The following ZNF521 variants were observed in gnomAD, a reference collection of about 807,000 sequenced individuals.
The protein encoded by ZNF521 is LYST-interacting protein 3.
Under a neutral mutation model 105.5 loss-of-function variants are expected in ZNF521, and 14 were observed. The observed-to-expected ratio is 0.13, with a 90% CI of 0.09 to 0.21. The LOEUF (loss-of-function observed/expected upper bound fraction) is 0.21. Ranked by LOEUF, ZNF521 falls within the 10% of genes least tolerant of loss-of-function variation. The pLI, the probability that ZNF521 is intolerant of heterozygous loss-of-function variation, is 1.00. For missense variants in ZNF521, 1,233 were observed against 1,629.7 expected (o/e 0.76, Z 4.19); for synonymous variants, 635 against 606.0 (o/e 1.05, Z -0.70).
chr18:25,257,564 A>G (rs1023074575), intron 3 of ZNF521, among the ~76,000 whole-genome samples: 9 of 152,174 alleles, frequency 5.9e-5, no homozygotes, highest in Admixed American at 5.9e-4. Flanking sequence ...ACTGCCTGAG[A>G]GTCAGAAATC....
chr18:25,254,462 C>G (rs1908335100), intron 3 of ZNF521, among the ~76,000 whole-genome samples: 1 of 152,120 alleles, frequency 6.6e-6, no homozygotes. Context: ...CAAATTCTCA[C>G]CTATCTGTAG....
At chr18:25,245,519 T>C (rs1240534689) in intron 3 of ZNF521, among the ~76,000 whole-genome samples, 2 of 152,224 alleles carry the variant, frequency 1.3e-5, no homozygotes, top group East Asian at 1.9e-4. Flanking sequence ...GAAGGTGGCT[T>C]ACTTGAGACA....
chr18:25,346,406 C>T (rs998392959), intron 2 of ZNF521, among the ~76,000 whole-genome samples: 1 of 152,008 alleles, frequency 6.6e-6, no homozygotes, highest in Non-Finnish European at 1.5e-5. Context: ...AATTTCAGGG[C>T]CAGTACAAGC....
chr18:25,167,102 G>A (rs190276906), intron 5 of ZNF521, among the ~76,000 whole-genome samples: 14 of 152,276 alleles, frequency 9.2e-5, no homozygotes, highest in African/African-American at 3.4e-4. Flanking sequence ...TAGCACAGGT[G>A]AACCTAGTTC....
At chr18:25,148,136 C>T (rs1419297430) in intron 5 of ZNF521, among the ~76,000 whole-genome samples, 1 of 152,106 alleles carries the variant, frequency 6.6e-6, no homozygotes, top group African/African-American at 2.4e-5. Flanking sequence ...AAGGGGACAG[C>T]TGGGTGCTAA....
chr18:25,106,335 C>G (rs2034072801), intron 5 of ZNF521, among the ~76,000 whole-genome samples: 1 of 151,948 alleles, frequency 6.6e-6, no homozygotes, highest in Non-Finnish European at 1.5e-5. Flanking sequence ...CCAGGAAAAC[C>G]ATATACTGTA....
intron 3 of ZNF521, among the ~76,000 whole-genome samples, chr18:25,308,655 C>G (rs867931829): frequency 2.8e-5 from 4 of 144,672 alleles, no homozygotes; most frequent in South Asian, 2.4e-4. Flanking sequence ...GACATCCCCC[C>G]CCCCCCACCC....
At chr18:25,259,484 G>C (rs532838522) in intron 3 of ZNF521, among the ~76,000 whole-genome samples, 1 of 152,268 alleles carries the variant, frequency 6.6e-6, no homozygotes, top group South Asian at 2.1e-4. Context: ...GATCAGATTA[G>C]TTCATCTCCA....
At chr18:25,302,567 T>C (rs1206321709) in intron 3 of ZNF521, 2 of 152,224 alleles carry the variant, frequency 1.3e-5, no homozygotes, top group Non-Finnish European at 2.9e-5. Context: ...TATGTCATGG[T>C]TGGGCAAACA....
At chr18:25,157,629 T>C (rs1202370980) in intron 5 of ZNF521, among the ~76,000 whole-genome samples, 1 of 152,228 alleles carries the variant, frequency 6.6e-6, no homozygotes, top group African/African-American at 2.4e-5. Flanking sequence ...CATTAAGGCA[T>C]ATAAAGAATA....
chr18:25,220,677 T>C (rs546048222), intron 4 of ZNF521, among the ~76,000 whole-genome samples: 1 of 152,194 alleles, frequency 6.6e-6, no homozygotes, highest in Non-Finnish European at 1.5e-5. Flanking sequence ...ATAATGGTAA[T>C]GCTGGCAAGA....
chr18:25,108,398 T>C (rs2034116234), intron 5 of ZNF521, among the ~76,000 whole-genome samples: 1 of 152,186 alleles, frequency 6.6e-6, no homozygotes, highest in South Asian at 2.1e-4. Context: ...AGATGTAACA[T>C]ATATGGTATA....
intron 5 of ZNF521, among the ~76,000 whole-genome samples, chr18:25,142,225 C>A (rs573583022): frequency 6.6e-6 from 1 of 152,234 alleles, no homozygotes; most frequent in African/African-American, 2.4e-5. Flanking sequence ...CTTTACCAAC[C>A]TAATTTCCTA....
chr18:25,245,335 GC>G (rs1907630560), intron 3 of ZNF521, among the ~76,000 whole-genome samples: 1 of 152,174 alleles, frequency 6.6e-6, no homozygotes, highest in Non-Finnish European at 1.5e-5. Context: ...ATATAGCCAT[GC>G]CTGGACACAT....
intron 2 of ZNF521, among the ~76,000 whole-genome samples, chr18:25,348,195 T>C (rs1241231532): frequency 6.6e-6 from 1 of 152,168 alleles, no homozygotes; most frequent in African/African-American, 2.4e-5. Context: ...AGAACACAGG[T>C]CATAATAACA....
intron 2 of ZNF521, among the ~76,000 whole-genome samples, chr18:25,336,637 G>C (rs955490685): frequency 1.3e-5 from 2 of 152,156 alleles, no homozygotes; most frequent in African/African-American, 4.8e-5. Context: ...CTGGATCAAT[G>C]CATTGGCCAG....
intron 3 of ZNF521, among the ~76,000 whole-genome samples, chr18:25,233,039 A>C (rs1877671008): frequency 6.6e-6 from 1 of 152,206 alleles, no homozygotes; most frequent in South Asian, 2.1e-4. Flanking sequence ...CACTAAGAGA[A>C]GTCGGGCTCT....
chr18:25,217,795 C>T (rs1326704359), intron 4 of ZNF521, among the ~76,000 whole-genome samples: 2 of 152,136 alleles, frequency 1.3e-5, no homozygotes, highest in Non-Finnish European at 2.9e-5. Flanking sequence ...AGCAGTGTAA[C>T]AATTTTCACG....
At chr18:25,109,513 T>C (rs532239174) in intron 5 of ZNF521, among the ~76,000 whole-genome samples, 36 of 152,306 alleles carry the variant, frequency 2.4e-4, no homozygotes, top group Non-Finnish European at 5.1e-4. Context: ...TTTAATTATT[T>C]GAGAAATCTC....
Sources: allele counts gnomAD v4.1 joint callset (sites outside exome capture counted in the v4.1 genomes callset), GRCh38; gene constraint gnomAD v4.1.1; transcripts MANE v1.5; gene names NCBI Gene and HGNC (gene_info 2026-07-23, HGNC 2026-07-21).